The following SORD variants were observed in gnomAD, a reference collection of about 807,000 sequenced individuals.
SORD encodes the protein (R,R)-butanediol dehydrogenase.
A neutral mutation model predicts 35.6 loss-of-function variants in SORD; 18 were observed. That is an observed-to-expected ratio of 0.51 (90% CI 0.35 to 0.75). SORD has a LOEUF of 0.75. SORD is among the 30% of genes least tolerant of loss of function. SORD has a pLI of 0.01. For missense variants in SORD, 250 were observed against 390.2 expected, an observed-to-expected ratio of 0.64 and a Z score of 3.03; for synonymous variants, 106 against 152.9, an observed-to-expected ratio of 0.69 and a Z score of 2.26.
chr15:45,054,203 C>T (rs1460736998), intron 3 of SORD, among the ~76,000 whole-genome samples: 2 of 152,164 alleles, frequency 1.3e-5, no homozygotes, highest in Admixed American at 1.3e-4. Context: ...AGTTCTAGAT[C>T]CCTGAGGAAT....
At chr15:45,055,421 T>C (rs564434167) in intron 3 of SORD, among the ~76,000 whole-genome samples, 1 of 152,020 alleles carries the variant, frequency 6.6e-6, no homozygotes, top group Non-Finnish European at 1.5e-5. Flanking sequence ...ACACATACAC[T>C]CTCCCAAGAC....
At chr15:45,039,979 G>A (rs944556357) in intron 1 of SORD, among the ~76,000 whole-genome samples, 23 of 152,230 alleles carry the variant, frequency 1.5e-4, no homozygotes, top group South Asian at 4.1e-4. Context: ...TAGTCCTGGC[G>A]AAGTTGCACC....
chr15:45,044,090 A>G (rs1397289135), intron 3 of SORD, among the ~76,000 whole-genome samples: 1 of 152,232 alleles, frequency 6.6e-6, no homozygotes, highest in Non-Finnish European at 1.5e-5. Flanking sequence ...TCTGAGCCCA[A>G]CCACATGGAG....
At chr15:45,034,297 C>G (rs1892825689) in intron 1 of SORD, among the ~76,000 whole-genome samples, 2 of 152,046 alleles carry the variant, frequency 1.3e-5, no homozygotes, top group Admixed American at 1.3e-4. Flanking sequence ...ACAGGCAGTT[C>G]CAGAATCTGA....
At chr15:45,064,045 T>C (rs9806299) in intron 4 of SORD, among the ~76,000 whole-genome samples, 7,509 of 147,944 alleles carry the variant, frequency 0.051, 528 homozygotes, top group African/African-American at 0.18. Flanking sequence ...TTGGAGACAG[T>C]GTTGAAAGGA....
intron 3 of SORD, among the ~76,000 whole-genome samples, chr15:45,057,229 G>A (rs891176927): frequency 2.0e-5 from 3 of 152,184 alleles, no homozygotes; most frequent in Non-Finnish European, 4.4e-5. Context: ...TGTATATCAA[G>A]CACAGCAGTA....
At chr15:45,030,315 G>A (rs114919485) in intron 1 of SORD, among the ~76,000 whole-genome samples, 31,011 of 150,436 alleles carry the variant, frequency 0.21, no homozygotes, top group African/African-American at 0.44. Context: ...AATTATGGAT[G>A]TAGGGGAAAT....
chr15:45,067,969 C>G (rs1173553955), intron 5 of SORD, among the ~76,000 whole-genome samples: 1 of 152,114 alleles, frequency 6.6e-6, no homozygotes, highest in Non-Finnish European at 1.5e-5. Context: ...AAATAGAACC[C>G]AGCACTAGGA....
At chr15:45,027,008 C>G (rs56370055) in intron 1 of SORD, among the ~76,000 whole-genome samples, 1 of 152,230 alleles carries the variant, frequency 6.6e-6, no homozygotes, top group East Asian at 1.9e-4. Context: ...AACTCCTCAC[C>G]TACTAATTAG....
At chr15:45,029,407 G>C (rs1252776953) in intron 1 of SORD, among the ~76,000 whole-genome samples, 2 of 146,182 alleles carry the variant, frequency 1.4e-5, no homozygotes, top group African/African-American at 2.7e-5. Flanking sequence ...TCAACCCCTT[G>C]TGGGAGGGAG....
intron 6 of SORD, 102 bp from the exon 7 acceptor site, chr15:45,068,775 T>C (rs1405333459): frequency 2.1e-6 from 3 of 1,408,736 alleles, no homozygotes; most frequent in Admixed American, 6.0e-5. Context: ...ACGAGAGCTT[T>C]GTTGCCATCA....
intron 1 of SORD, among the ~76,000 whole-genome samples, chr15:45,030,300 C>A (rs73421334): frequency 0.21 from 31,100 of 150,488 alleles, no homozygotes; most frequent in African/African-American, 0.44. Context: ...AAGGGGAGAC[C>A]CTAGAATTAT....
At chr15:45,041,090 G>A (rs1892958452) in intron 2 of SORD, among the ~76,000 whole-genome samples, 1 of 152,192 alleles carries the variant, frequency 6.6e-6, no homozygotes, top group Non-Finnish European at 1.5e-5. Context: ...AGCCTGTGGG[G>A]CTTAGCTGAC....
intron 3 of SORD, among the ~76,000 whole-genome samples, chr15:45,059,959 T>C (rs1477348999): frequency 2.0e-5 from 3 of 152,224 alleles, no homozygotes; most frequent in Non-Finnish European, 4.4e-5. Flanking sequence ...ATTGGTGTCC[T>C]CTGGGGATGG....
chr15:45,026,715 A>G, intron 1 of SORD, among the ~76,000 whole-genome samples: 1 of 152,264 alleles, frequency 6.6e-6, no homozygotes, highest in African/African-American at 2.4e-5. Flanking sequence ...TTTGCTTTCC[A>G]AAAAGTGTAT....
chr15:45,048,920 C>T (rs556057306), intron 3 of SORD, among the ~76,000 whole-genome samples: 2 of 152,272 alleles, frequency 1.3e-5, no homozygotes, highest in South Asian at 4.1e-4. Context: ...CTTCCCTTAT[C>T]TGTGCAGCTG....
At chr15:45,062,925 C>G (rs1403799047) in intron 4 of SORD, among the ~76,000 whole-genome samples, 1 of 147,120 alleles carries the variant, frequency 6.8e-6, no homozygotes, top group Non-Finnish European at 1.5e-5. Context: ...TATCAAGTCT[C>G]CAGCATGAGG....
intron 2 of SORD, among the ~76,000 whole-genome samples, chr15:45,041,990 A>G (rs1413351539): frequency 1.3e-5 from 2 of 152,162 alleles, no homozygotes; most frequent in Non-Finnish European, 2.9e-5. Context: ...CTTACTCTTC[A>G]CTAAAACTAA....
chr15:45,041,946 C>T (rs1382051186), intron 2 of SORD: 1 of 152,124 alleles, frequency 6.6e-6, no homozygotes, highest in Admixed American at 6.6e-5. Context: ...ATGCCTTTTC[C>T]CTGCATTTGA....
Sources: gnomAD v4.1 joint callset for allele counts (sites outside exome capture counted in the v4.1 genomes callset) on GRCh38, gnomAD v4.1.1 for gene constraint, MANE v1.5 for transcripts, NCBI Gene and HGNC (gene_info 2026-07-23, HGNC 2026-07-21) for gene names.